PDE4D: variants seen among roughly 807,000 people sequenced by gnomAD.
PDE4D encodes the protein 3',5'-cyclic-AMP phosphodiesterase 4D.
In PDE4D, 24 loss-of-function variants were observed where a neutral mutation model predicts 87.4. That is an observed-to-expected ratio of 0.27 (90% CI 0.20 to 0.39). The LOEUF (loss-of-function observed/expected upper bound fraction) is 0.39, where lower values mean the gene tolerates loss of function less well. Among genes scored for constraint, PDE4D ranks in the 10% least tolerant of loss-of-function variants. The pLI is 1.00. For synonymous variants in PDE4D, 384 were observed against 383.2 expected (o/e 1.00, Z -0.02); for missense variants, 714 against 1,041.0 (o/e 0.69, Z 4.32).
chr5:59,472,057 A>T (rs1185411607), intron 1 of PDE4D, among the ~76,000 whole-genome samples: 1 of 152,186 alleles, frequency 6.6e-6, no homozygotes, highest in African/African-American at 2.4e-5. Context: ...ACACAGAGAA[A>T]GAGAAGGGAA....
chr5:59,711,827 T>C (rs1233296132), intron 1 of PDE4D, among the ~76,000 whole-genome samples: 1 of 152,178 alleles, frequency 6.6e-6, no homozygotes, highest in East Asian at 1.9e-4. Flanking sequence ...ATAAAGGTTA[T>C]ATAATGTTCA....
At chr5:59,661,392 T>G (rs892802102) in intron 1 of PDE4D, among the ~76,000 whole-genome samples, 1 of 152,018 alleles carries the variant, frequency 6.6e-6, no homozygotes, top group African/African-American at 2.4e-5. Flanking sequence ...GGATGCTAAT[T>G]TACACAACAA....
At chr5:59,503,237 A>G (rs1481644991) in intron 1 of PDE4D, among the ~76,000 whole-genome samples, 1 of 152,170 alleles carries the variant, frequency 6.6e-6, no homozygotes, top group Non-Finnish European at 1.5e-5. Flanking sequence ...TCCATCATCT[A>G]TAACTACTTC....
chr5:60,078,271 C>T (rs1157752908), intron 2 of PDE4D, among the ~76,000 whole-genome samples: 3 of 152,156 alleles, frequency 2.0e-5, no homozygotes, highest in African/African-American at 7.2e-5. Flanking sequence ...GGTGAGTCTG[C>T]TAAATTAAAA....
chr5:60,122,817 A>G (rs1017119218), intron 2 of PDE4D, among the ~76,000 whole-genome samples: 1 of 152,132 alleles, frequency 6.6e-6, no homozygotes, highest in African/African-American at 2.4e-5. Flanking sequence ...TTTCTATCAC[A>G]TTGTCAGGCT....
chr5:60,002,472 A>T (rs1764109234), intron 2 of PDE4D, among the ~76,000 whole-genome samples: 3 of 152,160 alleles, frequency 2.0e-5, no homozygotes, highest in Admixed American at 2.0e-4. Flanking sequence ...ATAAGAAAAA[A>T]AATTACAGGG....
intron 5 of PDE4D, among the ~76,000 whole-genome samples, chr5:59,137,528 T>TC (rs898511211): frequency 6.6e-6 from 1 of 150,966 alleles, no homozygotes; most frequent in African/African-American, 2.4e-5. Flanking sequence ...AAAGTTTCTT[T>TC]TTTTTTTTTT....
rs904184413 is a variant in PDE4D, at chr5:60,508,461, CAGAAG to C, written n.70+13585_70+13589del. 1.3e-3 allele frequency among the ~76,000 whole-genome samples: 204 copies of C among 152,256 alleles called. 1 individual carries two copies. Among genetic ancestry groups the C allele is most frequent in the African/African-American group, 4.6e-3 (193 of 41,552 alleles). ...ATTTTATTTAGAGTTTTGTTTGAAA[CAGAAG>C]AGAATAGAGCAACTTCCCAAGTCAA... On this transcript the variant is annotated intron_variant and non_coding_transcript_variant, in intron 1 of 2. Coordinates refer to the PDE4D transcript ENST00000506510.
chr5:60,093,284 T>C (rs927963227), intron 2 of PDE4D, among the ~76,000 whole-genome samples: 11 of 152,224 alleles, frequency 7.2e-5, no homozygotes, highest in African/African-American at 2.4e-4. Flanking sequence ...TCTAAAATTC[T>C]GCAATACCTA....
intron 1 of PDE4D, among the ~76,000 whole-genome samples, chr5:60,193,380 G>T (rs1466867552): frequency 1.3e-5 from 2 of 152,060 alleles, no homozygotes; most frequent in African/African-American, 2.4e-5. Context: ...GGTGGAAAAA[G>T]CTGTCACAGG....
intron 1 of PDE4D, among the ~76,000 whole-genome samples, chr5:59,366,972 C>T (rs1783163401): frequency 6.6e-6 from 1 of 152,142 alleles, no homozygotes; most frequent in Non-Finnish European, 1.5e-5. Flanking sequence ...ACACTCAGCC[C>T]ATGTTTGGAG....
chr5:60,190,990 C>T (rs984063543), intron 1 of PDE4D, among the ~76,000 whole-genome samples: 2 of 152,116 alleles, frequency 1.3e-5, no homozygotes, highest in Non-Finnish European at 2.9e-5. Context: ...TCATCTCTGC[C>T]GCACCTGAGA....
chr5:59,295,641 T>A (rs556289632), intron 1 of PDE4D, among the ~76,000 whole-genome samples: 2 of 152,288 alleles, frequency 1.3e-5, no homozygotes, highest in Admixed American at 1.3e-4. Flanking sequence ...GGTATCACCT[T>A]CAGATTACCT....
At chr5:60,199,585 CAGA>C (rs778438819) in intron 1 of PDE4D, among the ~76,000 whole-genome samples, 11 of 151,608 alleles carry the variant, frequency 7.3e-5, no homozygotes, top group Non-Finnish European at 7.4e-5. Context: ...TTCAATTTTT[CAGA>C]AGGACAATGA....
At chr5:60,299,317 C>T (rs1245221267) in intron 1 of PDE4D, among the ~76,000 whole-genome samples, 2 of 152,162 alleles carry the variant, frequency 1.3e-5, no homozygotes, top group East Asian at 3.9e-4. Context: ...TTAGTTATTC[C>T]TTGGCATACC....
intron 2 of PDE4D, among the ~76,000 whole-genome samples, chr5:60,073,495 T>G (rs1440800041): frequency 6.0e-5 from 9 of 150,458 alleles, no homozygotes; most frequent in Non-Finnish European, 8.9e-5. Context: ...GCCAGGTGTT[T>G]TTTTTTTTTT....
chr5:60,140,970 G>A (rs2149418936), intron 2 of PDE4D, among the ~76,000 whole-genome samples: 1 of 152,278 alleles, frequency 6.6e-6, no homozygotes, highest in South Asian at 2.1e-4. Context: ...AAGCTAGGAA[G>A]GCAACTAAGC....
At chr5:59,029,441 AGGAGC>A (rs1756917201) in intron 6 of PDE4D, among the ~76,000 whole-genome samples, 2 of 144,130 alleles carry the variant, frequency 1.4e-5, no homozygotes, top group Admixed American at 7.1e-5. Context: ...AAAAAAACTT[AGGAGC>A]AAATCTAACC....
intron 1 of PDE4D, among the ~76,000 whole-genome samples, chr5:59,773,466 A>G (rs1763776841): frequency 1.3e-5 from 2 of 152,308 alleles, no homozygotes; most frequent in African/African-American, 2.4e-5. Flanking sequence ...GCCCTTGGCT[A>G]TTCTCAGCAT....
Sources: allele counts gnomAD v4.1 joint callset (sites outside exome capture counted in the v4.1 genomes callset), GRCh38; gene constraint gnomAD v4.1.1; transcripts MANE v1.5; gene names NCBI Gene and HGNC (gene_info 2026-07-23, HGNC 2026-07-21).